The following CDH13 variants were observed in gnomAD, a reference collection of about 807,000 sequenced individuals.
The protein encoded by CDH13 is cadherin-13.
A neutral mutation model predicts 63.8 loss-of-function variants in CDH13; 24 were observed. That is an observed-to-expected ratio of 0.38 (90% CI 0.27 to 0.53). CDH13 has a LOEUF of 0.53. CDH13 is among the 20% of genes least tolerant of loss of function. CDH13 has a pLI of 0.85. For missense variants in CDH13, 1,049 were observed against 903.1 expected (o/e 1.16, Z -2.07); for synonymous variants, 503 against 355.3 (o/e 1.42, Z -4.67).
At chr16:83,789,717 G>C (rs771418832) in intron 13 of CDH13, among the ~76,000 whole-genome samples, 27 of 152,280 alleles carry the variant, frequency 1.8e-4, no homozygotes, top group Non-Finnish European at 2.9e-4. Flanking sequence ...TTGGGAGCAA[G>C]GAAATCAGCT....
At chr16:82,968,931 A>T (rs1318273315) in intron 2 of CDH13, among the ~76,000 whole-genome samples, 2 of 152,058 alleles carry the variant, frequency 1.3e-5, no homozygotes, top group Non-Finnish European at 2.9e-5. Context: ...ACAAGCCTGG[A>T]CAACATGGAA....
chr16:83,225,253 G>T (rs2151796965), intron 5 of CDH13, among the ~76,000 whole-genome samples: 1 of 152,282 alleles, frequency 6.6e-6, no homozygotes, highest in South Asian at 2.1e-4. Flanking sequence ...TGATGAAGAT[G>T]ACCTTTGAAC....
At chr16:83,235,215 A>C (rs568653912) in intron 5 of CDH13, among the ~76,000 whole-genome samples, 1 of 152,250 alleles carries the variant, frequency 6.6e-6, no homozygotes, top group African/African-American at 2.4e-5. Context: ...AAAAAAGTAC[A>C]TACACACATA....
chr16:83,177,733 G>A (rs1026079775), intron 4 of CDH13, among the ~76,000 whole-genome samples: 1 of 152,146 alleles, frequency 6.6e-6, no homozygotes, highest in Non-Finnish European at 1.5e-5. Context: ...TAAATACGTG[G>A]TCAAGTATTG....
intron 4 of CDH13, among the ~76,000 whole-genome samples, chr16:83,167,497 C>CA (rs1280967453): frequency 9.9e-4 from 99 of 100,154 alleles, no homozygotes; most frequent in African/African-American, 4.8e-3. Context: ...GAGACCCTTT[C>CA]CCAAAAAAAA....
chr16:82,933,609 G>C (rs756892357), intron 2 of CDH13, among the ~76,000 whole-genome samples: 15 of 152,148 alleles, frequency 9.9e-5, no homozygotes, highest in Non-Finnish European at 2.1e-4. Context: ...TAACCCAAAA[G>C]TCCAAGTCCA....
intron 10 of CDH13, among the ~76,000 whole-genome samples, chr16:83,718,146 G>A (rs890556372): frequency 6.6e-6 from 1 of 152,224 alleles, no homozygotes; most frequent in Admixed American, 6.5e-5. Context: ...CAGCGGGAGA[G>A]CAGGAAGTGG....
At chr16:82,786,383 A>G (rs1042340440) in intron 1 of CDH13, among the ~76,000 whole-genome samples, 2 of 151,716 alleles carry the variant, frequency 1.3e-5, no homozygotes, top group African/African-American at 4.8e-5. Flanking sequence ...AAAAGTGTCT[A>G]TGCCAGAGGG....
At chr16:83,434,845 A>ATGTGTGTGTG (rs1345655696) in intron 6 of CDH13, among the ~76,000 whole-genome samples, 3 of 80,780 alleles carry the variant, frequency 3.7e-5, no homozygotes, top group Admixed American at 1.3e-4. Context: ...AAATATATAT[A>ATGTGTGTGTG]TATGTGTGTG....
chr16:83,753,553 A>T (rs114813944), intron 11 of CDH13, among the ~76,000 whole-genome samples: 2,545 of 152,292 alleles, frequency 0.017, 65 homozygotes, highest in African/African-American at 0.058. Flanking sequence ...CTCAAAAAAA[A>T]AGTAAATAGT....
chr16:83,313,035 G>A (rs530534586), intron 5 of CDH13, among the ~76,000 whole-genome samples: 1 of 152,346 alleles, frequency 6.6e-6, no homozygotes, highest in Admixed American at 6.5e-5. Flanking sequence ...TGGGGAATCA[G>A]CACCCACTCA....
chr16:82,691,402 T>C (rs1356433640), intron 1 of CDH13, among the ~76,000 whole-genome samples: 1 of 152,132 alleles, frequency 6.6e-6, no homozygotes, highest in African/African-American at 2.4e-5. Context: ...GGAAAAATCT[T>C]CAAGCTATAG....
At chr16:83,275,234 A>G (rs879325247) in intron 5 of CDH13, among the ~76,000 whole-genome samples, 2 of 152,190 alleles carry the variant, frequency 1.3e-5, no homozygotes, top group Non-Finnish European at 2.9e-5. Flanking sequence ...GCTGGGCCAC[A>G]TAACTTGAGA....
intron 5 of CDH13, among the ~76,000 whole-genome samples, chr16:83,244,254 T>C (rs1277500987): frequency 6.6e-6 from 1 of 152,150 alleles, no homozygotes; most frequent in African/African-American, 2.4e-5. Context: ...AAATGGGCTT[T>C]ACTGTGTTGG....
chr16:83,785,224 G>A (rs907123941), intron 13 of CDH13, among the ~76,000 whole-genome samples: 1 of 152,206 alleles, frequency 6.6e-6, no homozygotes, highest in Admixed American at 6.5e-5. Flanking sequence ...TAACAGAGAT[G>A]TATTGCTCAT....
In CDH13 at chr16:82,874,922, C is replaced by T. The variant is rs574326536; in HGVS notation, c.157+16449C>T. Among the ~76,000 whole-genome samples, 17 of 152,260 alleles carry T rather than the reference C, an allele frequency of 1.1e-4. No individual in the cohort carries two copies. The South Asian group carries it at 2.1e-3, about 19-fold the overall frequency. On this transcript the variant is annotated intron_variant, in intron 2 of 13. Transcript: ENST00000567109. ...CAGTTGGGATTGCCAGATGGATACTCATGGGGATGTGTGGCCAGGTAATCA... is the reference window on the plus strand; with the variant it reads ...CAGTTGGGATTGCCAGATGGATACTTATGGGGATGTGTGGCCAGGTAATCA...
At chr16:82,979,083 G>A (rs556171426) in intron 2 of CDH13, among the ~76,000 whole-genome samples, 13 of 152,360 alleles carry the variant, frequency 8.5e-5, no homozygotes, top group Non-Finnish European at 1.6e-4. Context: ...TTTAATGACT[G>A]CCCTATTGGA....
chr16:83,296,957 G>C (rs564169444), intron 5 of CDH13, among the ~76,000 whole-genome samples: 1 of 152,308 alleles, frequency 6.6e-6, no homozygotes, highest in South Asian at 2.1e-4. Flanking sequence ...AGCCATTGGG[G>C]ACTTTCTAAA....
chr16:82,837,638 C>T (rs1567585724), intron 1 of CDH13, among the ~76,000 whole-genome samples: 1 of 152,190 alleles, frequency 6.6e-6, no homozygotes, highest in Non-Finnish European at 1.5e-5. Context: ...GTGCTTAACT[C>T]CCCCAAGCAA....
Sources: allele counts gnomAD v4.1 joint callset (sites outside exome capture counted in the v4.1 genomes callset), GRCh38; gene constraint gnomAD v4.1.1; transcripts MANE v1.5; gene names NCBI Gene and HGNC (gene_info 2026-07-23, HGNC 2026-07-21).